Variants in DSE observed in about 807,000 individuals in gnomAD.
The protein encoded by DSE is dermatan-sulfate epimerase.
DSE carries 36 observed loss-of-function variants against 84.4 expected under a neutral mutation model. The observed-to-expected ratio is 0.43, with a 90% CI of 0.33 to 0.56. DSE has a LOEUF of 0.56. Among genes scored for constraint, DSE ranks in the 20% least tolerant of loss-of-function variants. DSE has a pLI of 0.06. For synonymous variants in DSE, 410 were observed against 430.1 expected (o/e 0.95, Z 0.58); for missense variants, 862 against 1,169.6 (o/e 0.74, Z 3.84).
At chr6:116,264,056 A>T (rs1341921453) in intron 2 of DSE, among the ~76,000 whole-genome samples, 7 of 152,148 alleles carry the variant, frequency 4.6e-5, no homozygotes, top group Non-Finnish European at 1.0e-4. Context: ...CTTGGAGAAT[A>T]TGATGATTAT....
At chr6:116,360,523 C>A (rs1356106177) in intron 2 of DSE, among the ~76,000 whole-genome samples, 1 of 152,088 alleles carries the variant, frequency 6.6e-6, no homozygotes, top group East Asian at 1.9e-4. Flanking sequence ...AAAGGTCACA[C>A]CATTATCCCT....
At chr6:116,276,917 A>G (rs947787023) in intron 2 of DSE, 1 of 152,240 alleles carries the variant, frequency 6.6e-6, no homozygotes, top group Non-Finnish European at 1.5e-5. Context: ...ACTTTTGTAG[A>G]TTATTTTTCC....
intron 2 of DSE, among the ~76,000 whole-genome samples, chr6:116,286,548 C>T (rs1365053527): frequency 1.3e-5 from 2 of 151,974 alleles, no homozygotes; most frequent in Admixed American, 6.6e-5. Flanking sequence ...CTTTACTTTC[C>T]TTAAATGAAA....
intron 2 of DSE, among the ~76,000 whole-genome samples, chr6:116,335,625 T>C (rs1225443129): frequency 6.6e-6 from 1 of 152,262 alleles, no homozygotes; most frequent in East Asian, 1.9e-4. Context: ...GGCTTTTATT[T>C]GTGATTCTAG....
chr6:116,362,952 G>A (rs1778982776), intron 2 of DSE, among the ~76,000 whole-genome samples: 1 of 152,148 alleles, frequency 6.6e-6, no homozygotes, highest in Non-Finnish European at 1.5e-5. Flanking sequence ...AGTTATCATG[G>A]TTTATGCTAC....
At chr6:116,355,690 G>A (rs1055951423) in intron 2 of DSE, 3 of 152,154 alleles carry the variant, frequency 2.0e-5, no homozygotes, top group Non-Finnish European at 2.9e-5. Context: ...ACACTCAAAG[G>A]TGAGAATCAG....
intron 2 of DSE, among the ~76,000 whole-genome samples, chr6:116,348,577 A>G (rs1562246134): frequency 6.6e-6 from 1 of 152,230 alleles, no homozygotes; most frequent in Non-Finnish European, 1.5e-5. Context: ...CGATTCCTCA[A>G]GGATCTAGAA....
At chr6:116,330,669 A>C (rs62423856) in intron 2 of DSE, among the ~76,000 whole-genome samples, 31,211 of 152,112 alleles carry the variant, frequency 0.21, 3,423 homozygotes, top group East Asian at 0.29. Context: ...GATGAAATAG[A>C]AATTATGACT....
chr6:116,397,636 C>G (rs1781348577), intron 1 of DSE, among the ~76,000 whole-genome samples: 1 of 152,192 alleles, frequency 6.6e-6, no homozygotes, highest in Non-Finnish European at 1.5e-5. Context: ...AAGACTATTT[C>G]TTTTGGCTGG....
intron 2 of DSE, among the ~76,000 whole-genome samples, chr6:116,310,133 A>C (rs1243200270): frequency 6.6e-6 from 1 of 152,180 alleles, no homozygotes; most frequent in African/African-American, 2.4e-5. Flanking sequence ...ACAGTTGAGG[A>C]AGCCACAGGT....
intron 2 of DSE, among the ~76,000 whole-genome samples, chr6:116,342,341 C>T (rs543128713): frequency 1.1e-4 from 16 of 141,676 alleles, no homozygotes; most frequent in African/African-American, 2.4e-4. Context: ...AGTGCAATGG[C>T]GCGGTCTTGG....
intron 2 of DSE, chr6:116,278,502 T>C (rs9400897): frequency 0.14 from 221,995 of 1,613,450 alleles, 18,620 homozygotes; most frequent in East Asian, 0.4. Context: ...GCAGGAGTAT[T>C]CCCAAGGGCA....
At chr6:116,293,103 A>G (rs188482080) in intron 2 of DSE, among the ~76,000 whole-genome samples, 8 of 152,260 alleles carry the variant, frequency 5.3e-5, no homozygotes, top group Admixed American at 5.2e-4. Context: ...TCATACAATG[A>G]TGAGATAATT....
rs924844890 is a variant in DSE at position 116,287,226 on chromosome 6, A to G, written c.-54+28259A>G. Among the ~76,000 whole-genome samples the G allele has an allele frequency of 4.6e-5, 7 of 152,180 alleles. 3 individuals are homozygous for G. Among genetic ancestry groups the G allele is most frequent in the Admixed American group, 4.6e-4 (7 of 15,288 alleles). On this transcript the variant is annotated intron_variant, in intron 2 of 3. Transcript: ENST00000430252. ...ATCATCAAAACACTTGATAGCAGAG[A>G]GGATAGTATTGCTTGGAAAAAAATA...
intron 2 of DSE, among the ~76,000 whole-genome samples, chr6:116,293,116 A>C (rs1323703345): frequency 6.6e-6 from 1 of 152,054 alleles, no homozygotes; most frequent in Non-Finnish European, 1.5e-5. Flanking sequence ...AGATAATTTA[A>C]CTTTATATAA....
rs1784457242 is a variant in DSE at position 116,442,402 on chromosome 6, A to G, written c.*5057A>G. On this transcript the variant is annotated 3_prime_UTR_variant, in exon 6 of 6. Transcript: ENST00000644252. The stretch of plus-strand genomic sequence containing the variant: ...GTTTTAGCCATGTTAAGTTTAAGAT[A>G]CTTTCTAAAAATCCAAGTGGAGATG... 1 of 152,118 alleles carries G rather than the reference A, an allele frequency of 6.6e-6. No homozygotes were observed. Among genetic ancestry groups the G allele is most frequent in the South Asian group, 2.1e-4 (1 of 4,828 alleles). The allele number at this position is 152,118 out of a possible 1,614,324, so 9.4% of individuals were successfully genotyped here. A position where few individuals can be genotyped will look rare whatever the true frequency, so the allele number is the denominator to read the frequency against.
At chr6:116,428,448 T>G (rs1373694906) in intron 3 of DSE, among the ~76,000 whole-genome samples, 1 of 152,202 alleles carries the variant, frequency 6.6e-6, no homozygotes, top group Non-Finnish European at 1.5e-5. Flanking sequence ...TCTTTGTAAA[T>G]AACATTATTC....
chr6:116,331,073 A>G (rs1189774759), intron 2 of DSE, among the ~76,000 whole-genome samples: 1 of 152,244 alleles, frequency 6.6e-6, no homozygotes, highest in African/African-American at 2.4e-5. Flanking sequence ...GTAAGCATCT[A>G]TTTATGATTA....
upstream of DSE, among the ~76,000 whole-genome samples, chr6:116,369,446 TA>T (rs140553348): frequency 7.7e-3 from 1,175 of 152,352 alleles, 19 homozygotes; most frequent in African/African-American, 0.027. Context: ...TATGGTGTAG[TA>T]AACTCTCAAT....
Sources: gnomAD v4.1 joint callset for allele counts (sites outside exome capture counted in the v4.1 genomes callset) on GRCh38, gnomAD v4.1.1 for gene constraint, MANE v1.5 for transcripts, NCBI Gene and HGNC (gene_info 2026-07-23, HGNC 2026-07-21) for gene names.